GPR89A: variants seen among roughly 807,000 people sequenced by gnomAD.
The protein encoded by GPR89A is G protein-coupled receptor 89A.
In GPR89A, 16 loss-of-function variants were observed where a neutral mutation model predicts 52.0. The observed-to-expected ratio is 0.31, with a 90% CI of 0.21 to 0.47. GPR89A has a LOEUF of 0.47. Ranked by LOEUF, GPR89A falls within the 20% of genes least tolerant of loss-of-function variation. GPR89A has a pLI of 1.00. For synonymous variants in GPR89A, 55 were observed against 150.9 expected (o/e 0.36, Z 4.66); for missense variants, 135 against 449.4 (o/e 0.30, Z 6.33).
chr1:145,652,121 TG>T (rs1553693615), intron 10 of GPR89A, among the ~76,000 whole-genome samples: 1 of 136,046 alleles, frequency 7.4e-6, no homozygotes, highest in African/African-American at 2.8e-5. Context: ...AGTGTGATAT[TG>T]GCTGTGGGTT....
At chr1:145,667,138 G>A (rs372689947) in intron 12 of GPR89A, among the ~76,000 whole-genome samples, 1 of 152,108 alleles carries the variant, frequency 6.6e-6, no homozygotes, top group African/African-American at 2.4e-5. Context: ...ATTTCTAGTT[G>A]TAGATCCTTG....
In GPR89A at chr1:145,623,257, A is replaced by G. The variant is rs1456147899; in HGVS notation, c.313+97A>G. On this transcript the variant is annotated intron_variant, in intron 4 of 13. Transcript: ENST00000313835. ...CTTCATTTCTACATTAACTTTCAGT[A>G]TCTACCGCTATTTGAGGATACCTCA... The G allele has an allele frequency of 1.0e-4, 81 of 789,230 alleles. 1 individual carries two copies. The highest frequency in any genetic ancestry group is 1.6e-4 in the Non-Finnish European group (79 of 503,096). 48.9% of individuals were successfully genotyped at this position (789,230 alleles called of 1,614,324 possible). A position where few individuals can be genotyped will look rare whatever the true frequency, so the allele number is the denominator to read the frequency against.
intron 7 of GPR89A, among the ~76,000 whole-genome samples, chr1:145,635,240 A>G (rs1427513099): frequency 2.0e-5 from 3 of 152,140 alleles, no homozygotes; most frequent in African/African-American, 7.2e-5. Context: ...CCCCATCTCT[A>G]CTAAAGATAC....
intron 11 of GPR89A, among the ~76,000 whole-genome samples, chr1:145,663,732 T>A (rs1553696036): frequency 1.3e-5 from 2 of 152,196 alleles, no homozygotes; most frequent in African/African-American, 4.8e-5. Flanking sequence ...GCTACCAGTT[T>A]ACCATTTTCT....
At chr1:145,614,291 G>A (rs1470096905) in intron 1 of GPR89A, among the ~76,000 whole-genome samples, 1 of 152,098 alleles carries the variant, frequency 6.6e-6, no homozygotes, top group African/African-American at 2.4e-5. Context: ...TTACAGATTG[G>A]TTTGGTCTCC....
chr1:145,654,283 G>C (rs1553694121), intron 10 of GPR89A, among the ~76,000 whole-genome samples: 1 of 152,124 alleles, frequency 6.6e-6, no homozygotes, highest in Non-Finnish European at 1.5e-5. Flanking sequence ...GCTGGGCGTG[G>C]TGGCTCATGC....
At chr1:145,611,191 C>T (rs1206084099) in intron 1 of GPR89A, among the ~76,000 whole-genome samples, 5 of 138,442 alleles carry the variant, frequency 3.6e-5, no homozygotes, top group Non-Finnish European at 6.2e-5. Flanking sequence ...TAGTTTAAGT[C>T]TTTTTTTTTT....
intron 1 of GPR89A, chr1:145,611,732 C>G (rs1487187075): frequency 3.3e-5 from 5 of 151,750 alleles, no homozygotes; most frequent in Non-Finnish European, 4.4e-5. Flanking sequence ...CACCCTCAGT[C>G]CTAACTGCCC....
chr1:145,664,378 C>T (rs1219209469), intron 11 of GPR89A, among the ~76,000 whole-genome samples: 1 of 152,214 alleles, frequency 6.6e-6, no homozygotes, highest in African/African-American at 2.4e-5. Context: ...AGGCCACGCA[C>T]TACTGTGGCC....
chr1:145,634,788 A>G (rs1227136497), intron 7 of GPR89A, among the ~76,000 whole-genome samples: 2 of 151,582 alleles, frequency 1.3e-5, no homozygotes, highest in Non-Finnish European at 2.9e-5. Flanking sequence ...AATTATTAAT[A>G]GTCTCTACAG....
intron 5 of GPR89A, among the ~76,000 whole-genome samples, chr1:145,627,570 C>A (rs1649594608): frequency 6.6e-6 from 1 of 152,202 alleles, no homozygotes; most frequent in East Asian, 1.9e-4. Flanking sequence ...ATTTATTGAG[C>A]ATCCACTTTA....
chr1:145,616,139 C>T (rs1648672074), intron 1 of GPR89A, 95 bp from the exon 2 acceptor site: 6 of 721,450 alleles, frequency 8.3e-6, no homozygotes, highest in African/African-American at 1.8e-5. Context: ...ATAAGTTAAC[C>T]GTCTAGTTAG....
intron 7 of GPR89A, among the ~76,000 whole-genome samples, chr1:145,634,898 A>G (rs1195449836): frequency 6.6e-6 from 1 of 152,190 alleles, no homozygotes; most frequent in Admixed American, 6.5e-5. Flanking sequence ...GCACTGTACT[A>G]GATGCTAGGG....
chr1:145,667,949 G>T (rs1313523250), intron 12 of GPR89A, among the ~76,000 whole-genome samples: 1 of 152,184 alleles, frequency 6.6e-6, no homozygotes, highest in Non-Finnish European at 1.5e-5. Flanking sequence ...TTTGGTACCA[G>T]TACCATGCTG....
chr1:145,662,707 A>G (rs1236252934), intron 10 of GPR89A, among the ~76,000 whole-genome samples: 10 of 152,180 alleles, frequency 6.6e-5, no homozygotes, highest in Non-Finnish European at 1.2e-4. Flanking sequence ...CTCCAGTGGC[A>G]GAGTTTGCTC....
At chr1:145,611,554 T>G (rs1431733243) in intron 1 of GPR89A, 13 of 152,286 alleles carry the variant, frequency 8.5e-5, no homozygotes, top group African/African-American at 2.6e-4. Flanking sequence ...GCTTTTCTTT[T>G]TCAATGTGAA....
intron 7 of GPR89A, among the ~76,000 whole-genome samples, chr1:145,636,110 G>T (rs1222616896): frequency 6.6e-6 from 1 of 152,122 alleles, no homozygotes; most frequent in African/African-American, 2.4e-5. Flanking sequence ...ATCAGGAATG[G>T]TTTGTGGTCC....
chr1:145,661,875 C>G, intron 10 of GPR89A, among the ~76,000 whole-genome samples: 1 of 147,636 alleles, frequency 6.8e-6, no homozygotes, highest in Non-Finnish European at 1.5e-5. Flanking sequence ...TCGAGTTTCC[C>G]TTTGATTTCT....
At chr1:145,616,816 G>T (rs1486979224) in intron 2 of GPR89A, among the ~76,000 whole-genome samples, 1 of 151,928 alleles carries the variant, frequency 6.6e-6, no homozygotes, top group Non-Finnish European at 1.5e-5. Context: ...TGGTAGGACC[G>T]TGATGGTGAC....
Sources: gnomAD v4.1 joint callset for allele counts (sites outside exome capture counted in the v4.1 genomes callset) on GRCh38, gnomAD v4.1.1 for gene constraint, MANE v1.5 for transcripts, NCBI Gene and HGNC (gene_info 2026-07-23, HGNC 2026-07-21) for gene names.